The following AGAP1 variants were observed in gnomAD, a reference collection of about 807,000 sequenced individuals.
AGAP1 encodes the protein arf-GAP with GTPase, ANK repeat and PH domain-containing protein 1.
A neutral mutation model predicts 105.3 loss-of-function variants in AGAP1; 29 were observed. That is an observed-to-expected ratio of 0.28 (90% CI 0.21 to 0.38). The LOEUF (loss-of-function observed/expected upper bound fraction) is 0.38, where lower values mean the gene tolerates loss of function less well. AGAP1 is among the 10% of genes least tolerant of loss of function. The pLI is 1.00. For missense variants in AGAP1, 998 were observed against 1,165.1 expected, an observed-to-expected ratio of 0.86 and a Z score of 2.09; for synonymous variants, 509 against 485.9, an observed-to-expected ratio of 1.05 and a Z score of -0.63.
Position 235,723,009 on chromosome 2 carries a change from C to A in AGAP1, c.310+5365C>A, listed in dbSNP as rs756629525. ...GCAGGTTAGAGAAGCTTGGTTTAGACGGTCGCTGCACTTAGAACTGTTGGA... is the reference window on the plus strand; with the variant it reads ...GCAGGTTAGAGAAGCTTGGTTTAGAAGGTCGCTGCACTTAGAACTGTTGGA... On this transcript the variant is annotated intron_variant, in intron 3 of 17. Transcript: ENST00000304032. This position sits in a 1 kb window ranked among gnomAD's most constrained non-coding sequence, Gnocchi z 6.2. 2.0e-5 allele frequency among the ~76,000 whole-genome samples: 3 copies of A among 152,116 alleles called. No homozygotes were observed. The highest frequency in any genetic ancestry group is 4.4e-5 in the Non-Finnish European group (3 of 68,024).
chr2:235,530,218 T>C (rs768086702), intron 1 of AGAP1, among the ~76,000 whole-genome samples: 1 of 152,138 alleles, frequency 6.6e-6, no homozygotes, highest in Non-Finnish European at 1.5e-5. Flanking sequence ...GAGGCTGAGC[T>C]CATTCGCAGT....
At chr2:235,838,762 T>C (rs1559547617) in intron 9 of AGAP1, among the ~76,000 whole-genome samples, 3 of 152,362 alleles carry the variant, frequency 2.0e-5, no homozygotes, top group African/African-American at 7.2e-5. Context: ...TTCCATGTGT[T>C]ACATCCATCC....
chr2:235,678,659 G>A (rs914233540), intron 1 of AGAP1, among the ~76,000 whole-genome samples: 1 of 152,088 alleles, frequency 6.6e-6, no homozygotes, highest in African/African-American at 2.4e-5. Flanking sequence ...TTCTCTCAGG[G>A]GGTAGTTTTC....
intron 1 of AGAP1, among the ~76,000 whole-genome samples, chr2:235,519,550 A>C (rs1942537859): frequency 6.6e-6 from 1 of 152,180 alleles, no homozygotes; most frequent in South Asian, 2.1e-4. Flanking sequence ...GATATAACAC[A>C]TATTTTCTTG....
chr2:235,497,207 A>G (rs1941355358), intron 1 of AGAP1, among the ~76,000 whole-genome samples: 1 of 152,180 alleles, frequency 6.6e-6, no homozygotes, highest in South Asian at 2.1e-4. Context: ...CCTCCTTAAC[A>G]TTTGACTGAG....
rs2317299 is a variant in AGAP1 at position 235,994,449 on chromosome 2, T to C, written c.1645+25826T>C. On this transcript the variant is annotated intron_variant, in intron 13 of 17. Coordinates refer to ENST00000304032, the MANE Select transcript of AGAP1 (RefSeq NM_001037131.3). The surrounding 1 kb of genome is among the most constrained non-coding windows in gnomAD (Gnocchi z 4.4). ...TTAGTGCTTGTACTTGTGTGCCTCT[T>C]GGAGTTACTTGTTGATAGGACAGCG... Among the ~76,000 whole-genome samples the C allele has an allele frequency of 0.54, 81,863 of 152,030 alleles. 22,158 individuals are homozygous for C. Among genetic ancestry groups the C allele is most frequent in the South Asian group, 0.68 (3,273 of 4,812 alleles).
rs572068982 is a variant in AGAP1, at chr2:235,736,688, C to T, written c.311-4275C>T. 6.6e-6 allele frequency among the ~76,000 whole-genome samples: 1 copy of T among 152,224 alleles called. No homozygotes were observed. The highest frequency in any genetic ancestry group is 2.1e-4 in the South Asian group (1 of 4,816). On this transcript the variant is annotated intron_variant, in intron 3 of 17. Transcript: ENST00000304032. The surrounding 1 kb of genome is among the most constrained non-coding windows in gnomAD (Gnocchi z 5.5). Reference sequence around the variant, plus strand: ...TGGGCAACACAATGAGGCCCCATCTCATCTATCCAGGTGTGGCGGCACATG... The same window carrying T: ...TGGGCAACACAATGAGGCCCCATCTTATCTATCCAGGTGTGGCGGCACATG...
chr2:235,709,219 T>G lies in AGAP1; in HGVS notation c.204T>G (p.Ser68=), dbSNP rs1431258399. 1.2e-6 allele frequency: 2 copies of G among 1,614,170 alleles called. No homozygotes were observed. The highest frequency in any genetic ancestry group is 1.7e-5 in the Admixed American group (1 of 60,026). ...GCCAGGAATGGACGCTGAGTCGATC[T>G]GTCCCGGAGCTCAAAGTGGTGAGTG... The part of the protein sequence containing the change: ...VNSQEWTLSR[S]VPELKVGIVG... Residue 68 remains serine, a synonymous_variant, in exon 2 of 18, where the codon TCT becomes TCG. Transcript: ENST00000304032.
chr2:235,645,530 T>G (rs1947343896), intron 1 of AGAP1, among the ~76,000 whole-genome samples: 1 of 152,266 alleles, frequency 6.6e-6, no homozygotes, highest in African/African-American at 2.4e-5. Flanking sequence ...TAACGCTCCT[T>G]TAGTGACTGG....
At chr2:235,653,580 C>G (rs1229866259) in intron 1 of AGAP1, among the ~76,000 whole-genome samples, 1 of 152,132 alleles carries the variant, frequency 6.6e-6, no homozygotes, top group African/African-American at 2.4e-5. Context: ...AGCCTCATCT[C>G]TTCTACCTGA....
chr2:235,670,077 C>G, intron 1 of AGAP1: 1 of 426,534 alleles, frequency 2.3e-6, no homozygotes, highest in Admixed American at 4.4e-5. Flanking sequence ...CTGGATGCGG[C>G]GGGGCCCCAG....
At chr2:235,579,055 G>T (rs1414515363) in intron 1 of AGAP1, among the ~76,000 whole-genome samples, 1 of 152,194 alleles carries the variant, frequency 6.6e-6, no homozygotes, top group South Asian at 2.1e-4. Flanking sequence ...ATCTTGGAAA[G>T]AAAACCAGGA....
At chr2:235,593,193 C>T (rs1307914824) in intron 1 of AGAP1, among the ~76,000 whole-genome samples, 10 of 152,156 alleles carry the variant, frequency 6.6e-5, no homozygotes, top group East Asian at 3.9e-4. Flanking sequence ...GGCATTCAGA[C>T]GGGCAGCTTT....
chr2:235,671,327 C>T lies in AGAP1; in HGVS notation c.164-37852C>T, dbSNP rs187391323. ...ACCCGGGAGAGGTCGCCTTGCCAGC[C>T]GGCGCCGACCTCCTTCGCGTGCTCG... is the stretch of plus-strand genomic sequence containing the variant. On this transcript the variant is annotated intron_variant, in intron 1 of 17. Coordinates refer to ENST00000304032, the MANE Select transcript of AGAP1 (RefSeq NM_001037131.3). Among the ~76,000 whole-genome samples the T allele has an allele frequency of 3.8e-3, 580 of 152,294 alleles. 3 individuals are homozygous for T. The highest frequency in any genetic ancestry group is 6.5e-3 in the Non-Finnish European group (444 of 68,030).
chr2:235,681,577 T>C (rs559144719), intron 1 of AGAP1, among the ~76,000 whole-genome samples: 7 of 152,354 alleles, frequency 4.6e-5, no homozygotes, highest in African/African-American at 1.7e-4. Context: ...CTTTGTTCAC[T>C]CATTCTTGAG....
chr2:235,609,795 G>C lies in AGAP1; in HGVS notation c.164-99384G>C, dbSNP rs1198438580. On this transcript the variant is annotated intron_variant, in intron 1 of 17. Coordinates refer to ENST00000304032, the MANE Select transcript of AGAP1 (RefSeq NM_001037131.3). The surrounding 1 kb of genome is among the most constrained non-coding windows in gnomAD (Gnocchi z 5.1). The stretch of plus-strand genomic sequence containing the variant: ...CCCAACTCACAGGCCAGAAAGTGTA[G>C]TGGGAGGCTGTGGGCATATTTGGCG... 6.6e-6 allele frequency among the ~76,000 whole-genome samples: 1 copy of C among 152,108 alleles called. No individual in the cohort carries two copies. The highest frequency in any genetic ancestry group is 6.5e-5 in the Admixed American group (1 of 15,270).
chr2:235,694,976 C>T (rs747133392), intron 1 of AGAP1, among the ~76,000 whole-genome samples: 3 of 152,174 alleles, frequency 2.0e-5, no homozygotes, highest in Admixed American at 6.5e-5. Context: ...AGGTGCTGAG[C>T]GGAGCTCCAT....
In AGAP1 at chr2:235,882,877, A is replaced by G. The variant is rs1410169939; in HGVS notation, c.1051-468A>G. Among the ~76,000 whole-genome samples, 1 of 151,834 alleles carries G rather than the reference A, an allele frequency of 6.6e-6. No homozygotes were observed. Among genetic ancestry groups the G allele is most frequent in the African/African-American group, 2.4e-5 (1 of 41,306 alleles). On this transcript the variant is annotated intron_variant, in intron 9 of 17. Coordinates refer to ENST00000304032, the MANE Select transcript of AGAP1 (RefSeq NM_001037131.3). The surrounding 1 kb of genome is among the most constrained non-coding windows in gnomAD (Gnocchi z 4.6). ...ACCCAGGCTGGAGTACGGTGGTACA[A>G]TCATAGCTCACTGCCACCTCAACCT...
At position 236,020,307 on chromosome 2, in the gene AGAP1, A is replaced by G. The variant is rs1315162938; in HGVS notation, c.1646-16254A>G. ...TCTCTCTGTTTTCAAAGAAAATTGCAGTGTTTGAACGTTGTTTATGTAGCC... is the reference window on the plus strand; with the variant it reads ...TCTCTCTGTTTTCAAAGAAAATTGCGGTGTTTGAACGTTGTTTATGTAGCC... On this transcript the variant is annotated intron_variant, in intron 13 of 17. Coordinates refer to ENST00000304032, the MANE Select transcript of AGAP1 (RefSeq NM_001037131.3). The surrounding 1 kb of genome is among the most constrained non-coding windows in gnomAD (Gnocchi z 5.0). Among the ~76,000 whole-genome samples, 1 of 152,158 alleles carries G rather than the reference A, an allele frequency of 6.6e-6. No individual in the cohort carries two copies. The highest frequency in any genetic ancestry group is 1.5e-5 in the Non-Finnish European group (1 of 68,042).
Sources: gnomAD v4.1 joint callset for allele counts (sites outside exome capture counted in the v4.1 genomes callset) on GRCh38, gnomAD v4.1.1 for gene constraint, Gnocchi (gnomAD v3.1) non-coding constraint, MANE v1.5 for transcripts, NCBI Gene and HGNC (gene_info 2026-07-23, HGNC 2026-07-21) for gene names.